Variants in BRD4 observed in about 807,000 individuals in gnomAD.
The protein encoded by BRD4 is bromodomain containing 4, also known as bromodomain-containing protein 4.
In BRD4, 16 loss-of-function variants were observed where a neutral mutation model predicts 142.1. That is an observed-to-expected ratio of 0.11 (90% confidence interval 0.08 to 0.17). The LOEUF (loss-of-function observed/expected upper bound fraction) is 0.17, where lower values mean the gene tolerates loss of function less well. BRD4 is among the 10% of genes least tolerant of loss of function. BRD4 has a pLI of 1.00. For synonymous variants in BRD4, 833 were observed against 707.5 expected, an observed-to-expected ratio of 1.18 and a Z score of -2.82; for missense variants, 1,424 against 1,810.9, an observed-to-expected ratio of 0.79 and a Z score of 3.88.
chr19:15,275,175 GTTCACAAGAGGAAAAA>G, intron 1 of BRD4, among the ~76,000 whole-genome samples: 1 of 152,250 alleles, frequency 6.6e-6, no homozygotes, highest in South Asian at 2.1e-4. Context: ...TGAATTTTCT[GTTCACAAGAGGAAAAA>G]AACAGTTTTC....
chr19:15,312,685 T>C (rs550085574), intron 1 of BRD4, among the ~76,000 whole-genome samples: 8 of 150,758 alleles, frequency 5.3e-5, no homozygotes, highest in African/African-American at 1.5e-4. Flanking sequence ...TCTGCAATCC[T>C]AGAACTTTGG....
chr19:15,305,750 G>A (rs2047908640), intron 1 of BRD4, among the ~76,000 whole-genome samples: 1 of 152,208 alleles, frequency 6.6e-6, no homozygotes, highest in Admixed American at 6.5e-5. Flanking sequence ...CCTGTCCTTT[G>A]AAGCCAAGTA....
chr19:15,252,528 C>T (rs948194021), intron 11 of BRD4, among the ~76,000 whole-genome samples: 2 of 152,242 alleles, frequency 1.3e-5, no homozygotes, highest in Non-Finnish European at 2.9e-5. Context: ...AAGAATACAG[C>T]CATTCACCCC....
At position 15,273,085 on chromosome 19, in the gene BRD4, G is replaced by A. The variant is rs147477529; in HGVS notation, c.15C>T (p.Ser5=). 102 of 1,596,084 alleles carry A rather than the reference G, an allele frequency of 6.4e-5. No homozygotes were observed. The highest frequency in any genetic ancestry group is 1.7e-4 in the Middle Eastern group (1 of 5,996). The change falls in exon 2 of 20, where the codon AGC becomes AGT. Residue 5 remains serine, a synonymous_variant. Transcript: ENST00000679869. ...GATTTCTCAATCTCGTCCCAGGGCC[G>A]CTCTCCGCAGACATGCTAGTGATCC... MSAE[S]GPGTRLRNLP...
chr19:15,283,343 G>T (rs187121611), intron 1 of BRD4, among the ~76,000 whole-genome samples: 1 of 151,932 alleles, frequency 6.6e-6, no homozygotes, highest in African/African-American at 2.4e-5. Context: ...AAATTTCTCC[G>T]GATGACATCA....
intron 1 of BRD4, among the ~76,000 whole-genome samples, chr19:15,317,675 G>C (rs954616069): frequency 6.6e-6 from 1 of 152,072 alleles, no homozygotes; most frequent in Non-Finnish European, 1.5e-5. Context: ...ACACAGGCCA[G>C]AAAGGGTAAA....
At chr19:15,285,572 GA>G (rs376389659) in intron 1 of BRD4, among the ~76,000 whole-genome samples, 1 of 147,664 alleles carries the variant, frequency 6.8e-6, no homozygotes. Context: ...CTCAAAAAAA[GA>G]AAAAAAAATC....
At chr19:15,247,164 A>G (rs941015261) in intron 11 of BRD4, 2 of 229,216 alleles carry the variant, frequency 8.7e-6, no homozygotes, top group Non-Finnish European at 1.7e-5. Context: ...AAATCCGATT[A>G]AAACACTGAT....
chr19:15,249,377 A>G lies in BRD4; in HGVS notation c.2159-4615T>C, dbSNP rs75672235. The G allele has an allele frequency of 1.5e-3, 2,432 of 1,607,716 alleles. 46 individuals carry two copies. The East Asian group carries it at 0.024, about 16-fold the overall frequency. ...ACAAGAACAGAAGAACCGCAGACTG[A>G]GCCAACCTCCTGCGCCCTGGTGGCT... On this transcript the variant is annotated intron_variant, in intron 11 of 19. Coordinates refer to ENST00000679869, the MANE Select transcript of BRD4 (RefSeq NM_001379291.1).
At chr19:15,251,375 T>A (rs1372892077) in intron 11 of BRD4, among the ~76,000 whole-genome samples, 2 of 126,390 alleles carry the variant, frequency 1.6e-5, no homozygotes, top group African/African-American at 3.1e-5. Flanking sequence ...AACCCCGTAG[T>A]ATAAGTGACA....
chr19:15,253,740 C>T (rs754287787), intron 11 of BRD4: 54 of 1,598,276 alleles, frequency 3.4e-5, no homozygotes, highest in Admixed American at 1.3e-4. Context: ...GACTGTGATA[C>T]GGGGAAGGCC....
intron 1 of BRD4, among the ~76,000 whole-genome samples, chr19:15,301,271 G>A (rs1032429907): frequency 2.0e-5 from 3 of 152,136 alleles, no homozygotes; most frequent in African/African-American, 2.4e-5. Flanking sequence ...CAGATCAATC[G>A]TTGCTGAGGA....
At chr19:15,253,958 G>C (rs901225919) in intron 11 of BRD4, 194 bp downstream of exon 11, 10 of 697,164 alleles carry the variant, frequency 1.4e-5, no homozygotes, top group South Asian at 3.7e-5. Flanking sequence ...CGAGAGAATG[G>C]ACACTACTGC....
intron 1 of BRD4, among the ~76,000 whole-genome samples, chr19:15,323,452 C>T (rs1371245362): frequency 6.6e-6 from 1 of 152,128 alleles, no homozygotes; most frequent in Non-Finnish European, 1.5e-5. Context: ...ATGATCTGCT[C>T]CCACAAAATA....
intron 1 of BRD4, among the ~76,000 whole-genome samples, chr19:15,275,004 G>A (rs1440681817): frequency 3.3e-5 from 5 of 152,002 alleles, no homozygotes; most frequent in Non-Finnish European, 5.9e-5. Context: ...GATTACAGGC[G>A]TGTGCCACCA....
At chr19:15,255,233 G>A (rs996440602) in intron 10 of BRD4, 64 bp downstream of exon 10, 1 of 1,503,472 alleles carries the variant, frequency 6.7e-7, no homozygotes, top group Non-Finnish European at 9.0e-7. Context: ...ACTGAGCAAG[G>A]AGGGAAAAGT....
At chr19:15,327,560 G>GA (rs1250931594) in intron 1 of BRD4, among the ~76,000 whole-genome samples, 3 of 151,524 alleles carry the variant, frequency 2.0e-5, no homozygotes, top group South Asian at 4.2e-4. Flanking sequence ...GAAAAAAAGA[G>GA]AAAAAAAAGT....
At chr19:15,267,749 T>G (rs2047549957) in intron 3 of BRD4, among the ~76,000 whole-genome samples, 198 bp from the exon 4 acceptor site, 1 of 152,204 alleles carries the variant, frequency 6.6e-6, no homozygotes, top group African/African-American at 2.4e-5. Context: ...ACAGGTGTGC[T>G]GAGCCTACAC....
In BRD4 at chr19:15,238,313, C is replaced by T; in HGVS notation, c.*64G>A. 2 of 1,608,342 alleles carry T rather than the reference C, an allele frequency of 1.2e-6. No homozygotes were observed. Among genetic ancestry groups the T allele is most frequent in the Non-Finnish European group, 1.7e-6 (2 of 1,176,700 alleles). ...CCGCTGATCCCACCTCCACCACCGC[C>T]CCTAACACTATGGAAAGTCAATGTT... On this transcript the variant is annotated 3_prime_UTR_variant, in exon 20 of 20. Coordinates refer to ENST00000679869, the MANE Select transcript of BRD4 (RefSeq NM_001379291.1). This position sits in a 1 kb window ranked among gnomAD's most constrained non-coding sequence, Gnocchi z 7.2.
Sources: gnomAD v4.1 joint callset for allele counts (sites outside exome capture counted in the v4.1 genomes callset) on GRCh38, gnomAD v4.1.1 for gene constraint, Gnocchi (gnomAD v3.1) non-coding constraint, MANE v1.5 for transcripts, NCBI Gene and HGNC (gene_info 2026-07-23, HGNC 2026-07-21) for gene names.